The following NEGR1 variants were observed in gnomAD, a reference collection of about 807,000 sequenced individuals.
NEGR1 encodes IgLON family member 4.
Under a neutral mutation model 40.9 loss-of-function variants are expected in NEGR1, and 10 were observed. The ratio of observed to expected loss-of-function variants is 0.24; its 90% confidence interval spans 0.15 to 0.42. The LOEUF is 0.42. Ranked by LOEUF, NEGR1 falls within the 10% of genes least tolerant of loss-of-function variation. The pLI, the probability that NEGR1 is intolerant of heterozygous loss-of-function variation, is 1.00. For missense variants in NEGR1, 352 were observed against 438.9 expected (o/e 0.80, Z 1.77); for synonymous variants, 185 against 166.8 (o/e 1.11, Z -0.84).
chr1:71,970,834 A>G (rs1324955561), intron 1 of NEGR1, among the ~76,000 whole-genome samples: 2 of 152,214 alleles, frequency 1.3e-5, no homozygotes, highest in East Asian at 3.9e-4. Flanking sequence ...ATCTGGGACA[A>G]TCATACACAT....
At chr1:72,108,376 G>T (rs998559934) in intron 1 of NEGR1, among the ~76,000 whole-genome samples, 2 of 151,368 alleles carry the variant, frequency 1.3e-5, no homozygotes, top group Non-Finnish European at 3.0e-5. Context: ...TTGCCTCAGG[G>T]TCACTAGAGT....
intron 6 of NEGR1, among the ~76,000 whole-genome samples, chr1:71,555,941 A>G (rs1648238365): frequency 6.6e-6 from 1 of 151,454 alleles, no homozygotes; most frequent in Admixed American, 6.6e-5. Flanking sequence ...TGGTAATGCT[A>G]TTACATATCA....
intron 1 of NEGR1, among the ~76,000 whole-genome samples, chr1:71,989,112 G>C (rs1415755757): frequency 6.6e-6 from 1 of 152,034 alleles, no homozygotes; most frequent in Admixed American, 6.6e-5. Context: ...ATGCCTCCGG[G>C]TTGGTGCTAA....
intron 1 of NEGR1, among the ~76,000 whole-genome samples, chr1:71,980,954 A>T (rs1267454467): frequency 6.6e-6 from 1 of 152,108 alleles, no homozygotes; most frequent in Non-Finnish European, 1.5e-5. Flanking sequence ...CCTTCAAAAA[A>T]GTTTTCCCAA....
At chr1:72,130,875 T>A (rs190679687) in intron 1 of NEGR1, among the ~76,000 whole-genome samples, 1 of 152,086 alleles carries the variant, frequency 6.6e-6, no homozygotes, top group African/African-American at 2.4e-5. Flanking sequence ...AAAATATTTT[T>A]TGGATGAAAG....
intron 2 of NEGR1, among the ~76,000 whole-genome samples, chr1:71,788,417 T>C (rs1570347727): frequency 6.6e-6 from 1 of 151,640 alleles, no homozygotes; most frequent in Non-Finnish European, 1.5e-5. Flanking sequence ...ATGCTATGCC[T>C]ACTGCCAAGA....
intron 1 of NEGR1, among the ~76,000 whole-genome samples, chr1:71,947,881 A>T (rs1480827482): frequency 6.6e-6 from 1 of 152,160 alleles, no homozygotes; most frequent in Admixed American, 6.6e-5. Context: ...TTTATGTCTA[A>T]GATGCTGTAT....
intron 1 of NEGR1, among the ~76,000 whole-genome samples, chr1:71,976,071 T>C (rs183739948): frequency 6.6e-6 from 1 of 152,380 alleles, no homozygotes; most frequent in Admixed American, 6.5e-5. Flanking sequence ...ATTAATGTTC[T>C]AGTGTTGGTC....
intron 1 of NEGR1, among the ~76,000 whole-genome samples, chr1:71,958,938 C>T (rs921829066): frequency 3.5e-5 from 5 of 140,860 alleles, no homozygotes; most frequent in Admixed American, 1.4e-4. Context: ...CTGGGCAAGG[C>T]TCCATCTCAT....
chr1:71,438,975 T>A (rs958188035), intron 6 of NEGR1, among the ~76,000 whole-genome samples: 20 of 152,246 alleles, frequency 1.3e-4, no homozygotes, highest in African/African-American at 3.9e-4. Flanking sequence ...AGCATATTCT[T>A]TTTGCCCTAT....
At chr1:71,709,508 G>A (rs946484602) in intron 3 of NEGR1, among the ~76,000 whole-genome samples, 96 of 152,136 alleles carry the variant, frequency 6.3e-4, no homozygotes, top group African/African-American at 2.3e-3. Context: ...GATGGCACGA[G>A]TATGAAAACA....
intron 1 of NEGR1, among the ~76,000 whole-genome samples, chr1:72,253,323 T>C (rs1413795724): frequency 6.6e-6 from 1 of 152,206 alleles, no homozygotes; most frequent in African/African-American, 2.4e-5. Context: ...CTAGGAAATC[T>C]TTCCATCTCA....
chr1:72,244,789 A>G (rs944609830), intron 1 of NEGR1, among the ~76,000 whole-genome samples: 3 of 152,000 alleles, frequency 2.0e-5, no homozygotes, highest in African/African-American at 7.2e-5. Context: ...TATTTAATAT[A>G]TCGAATTGTT....
intron 1 of NEGR1, among the ~76,000 whole-genome samples, chr1:71,996,760 T>A (rs966446828): frequency 6.6e-6 from 1 of 152,072 alleles, no homozygotes; most frequent in African/African-American, 2.4e-5. Context: ...AATAAAATGA[T>A]CTTTGCTTTC....
intron 1 of NEGR1, among the ~76,000 whole-genome samples, chr1:72,008,557 A>G (rs2100396170): frequency 6.6e-6 from 1 of 152,254 alleles, no homozygotes; most frequent in South Asian, 2.1e-4. Flanking sequence ...TAGTCTATGT[A>G]AAGAGCTTGC....
intron 2 of NEGR1, among the ~76,000 whole-genome samples, chr1:71,781,197 C>T (rs556335267): frequency 3.4e-4 from 52 of 152,168 alleles, no homozygotes; most frequent in Non-Finnish European, 7.4e-5. Context: ...GCCAGCATCA[C>T]GGTGACTAAT....
intron 1 of NEGR1, among the ~76,000 whole-genome samples, chr1:72,171,954 G>A (rs1263463213): frequency 6.6e-6 from 1 of 152,086 alleles, no homozygotes; most frequent in Non-Finnish European, 1.5e-5. Context: ...GTTTTGTAAT[G>A]TCAAATGACT....
At chr1:71,756,426 A>AAC (rs1557640545) in intron 3 of NEGR1, among the ~76,000 whole-genome samples, 2 of 139,656 alleles carry the variant, frequency 1.4e-5, no homozygotes, top group African/African-American at 5.5e-5. Flanking sequence ...AAAAAAAACC[A>AAC]AAAAAAACCA....
chr1:71,725,737 C>G (rs1276448487), intron 3 of NEGR1, among the ~76,000 whole-genome samples: 2 of 152,054 alleles, frequency 1.3e-5, no homozygotes, highest in Non-Finnish European at 2.9e-5. Context: ...TGGATCTAAA[C>G]TTGCCATCCT....
Sources: allele counts gnomAD v4.1 joint callset (sites outside exome capture counted in the v4.1 genomes callset), GRCh38; gene constraint gnomAD v4.1.1; transcripts MANE v1.5; gene names NCBI Gene and HGNC (gene_info 2026-07-23, HGNC 2026-07-21).